The following TLCD2 variants were observed in gnomAD, a reference collection of about 807,000 sequenced individuals.
The protein encoded by TLCD2 is TLC domain-containing protein 2.
Under a neutral mutation model 14.0 loss-of-function variants are expected in TLCD2, and 12 were observed. The observed-to-expected ratio is 0.86, with a 90% CI of 0.55 to 1.39. The LOEUF (loss-of-function observed/expected upper bound fraction) is 1.39, where lower values mean the gene tolerates loss of function less well. Among genes scored for constraint, TLCD2 ranks in the 40% most tolerant of loss-of-function variants. The pLI is 0.00. For missense variants in TLCD2, 360 were observed against 346.8 expected (o/e 1.04, Z -0.30); for synonymous variants, 166 against 156.5 (o/e 1.06, Z -0.45).
chr17:1,704,589 G>A lies in TLCD2; in HGVS notation c.*3181C>T, dbSNP rs1422076095. 1.3e-5 allele frequency: 2 copies of A among 151,582 alleles called. No homozygotes were observed. The highest frequency in any genetic ancestry group is 4.9e-5 in the African/African-American group (2 of 41,200). The allele number at this position is 151,582 out of a possible 1,614,324, so 9.4% of individuals were successfully genotyped here. A position where few individuals can be genotyped will look rare whatever the true frequency, so the allele number is the denominator to read the frequency against. On this transcript the variant is annotated 3_prime_UTR_variant, in exon 4 of 4. Transcript: ENST00000330676. ...CGATGTATTTTCATCCTTTGCGCCT[G>A]TTTTTATGACTCTATGATGGAGACT...
rs549108577 is a variant in TLCD2, at chr17:1,707,708, G to T, written c.*62C>A. 3.6e-5 allele frequency: 49 copies of T among 1,345,726 alleles called. No individual in the cohort carries two copies. The African/African-American group carries it at 6.8e-4, about 19-fold the overall frequency. The allele number at this position is 1,345,726 out of a possible 1,614,324, so 83.4% of individuals were successfully genotyped here. ...CTCACCCTGATGGGGGACTGTGCATGGAAGACCCTCATCTCCTTGTCCTGG... is the reference window on the plus strand; with the variant it reads ...CTCACCCTGATGGGGGACTGTGCATTGAAGACCCTCATCTCCTTGTCCTGG... On this transcript the variant is annotated 3_prime_UTR_variant, in exon 4 of 4. Coordinates refer to ENST00000330676, the MANE Select transcript of TLCD2 (RefSeq NM_001164407.2).
rs1567703197 is a variant in TLCD2 at position 1,703,055 on chromosome 17, C to G, written c.*4715G>C. ...CAAATGGAGCATCTGGCAATCTCTG[C>G]TTTTTTTTTTTTTAACCTCTGCATT... On this transcript the variant is annotated 3_prime_UTR_variant, in exon 4 of 4. Transcript: ENST00000330676. The G allele has an allele frequency of 1.4e-5, 2 of 144,830 alleles. No individual in the cohort carries two copies. The allele number at this position is 144,830 out of a possible 1,614,324, so 9.0% of individuals were successfully genotyped here. A position where few individuals can be genotyped will look rare whatever the true frequency, so the allele number is the denominator to read the frequency against.
At chr17:1,708,479 CTTTTTTTTTTTTT>C (rs70956738) in intron 3 of TLCD2, among the ~76,000 whole-genome samples, 2 of 47,844 alleles carry the variant, frequency 4.2e-5, no homozygotes, top group Non-Finnish European at 8.6e-5. Context: ...GGCTTGCTTG[CTTTTTTTTTTTTT>C]TTTTTTTTTT....
rs1913955248 is a variant in TLCD2, at chr17:1,704,075, A to G, written c.*3695T>C. 1 of 151,858 alleles carries G rather than the reference A, an allele frequency of 6.6e-6. No individual in the cohort carries two copies. Among genetic ancestry groups the G allele is most frequent in the Non-Finnish European group, 1.5e-5 (1 of 67,982 alleles). The allele number at this position is 151,858 out of a possible 1,614,324, so 9.4% of individuals were successfully genotyped here. A position where few individuals can be genotyped will look rare whatever the true frequency, so the allele number is the denominator to read the frequency against. ...TCCTGTCTCTACTAAAAACACAAAAATTAGCCGAGTGTGGTGGTGGGTACC... is the reference window on the plus strand; with the variant it reads ...TCCTGTCTCTACTAAAAACACAAAAGTTAGCCGAGTGTGGTGGTGGGTACC... On this transcript the variant is annotated 3_prime_UTR_variant, in exon 4 of 4. Transcript: ENST00000330676.
chr17:1,708,004 CCA>C lies in TLCD2; in HGVS notation c.559_560del (p.Trp187AlafsTer38). The C allele has an allele frequency of 1.3e-6, 2 of 1,537,298 alleles. No homozygotes were observed. Among genetic ancestry groups the C allele is most frequent in the Non-Finnish European group, 1.7e-6 (2 of 1,146,926 alleles). On this transcript the variant is annotated frameshift_variant, in exon 4 of 4. Coordinates refer to ENST00000330676, the MANE Select transcript of TLCD2 (RefSeq NM_001164407.2). LOFTEE classifies it low-confidence loss of function (END_TRUNC). ...RLVPLGWMSLWLFRQHHQVPL... is the reference protein window; with the variant it reads ...RLVPLGWMSLXLFRQHHQVPL... ...GAACCTGGTGGTGCTGCCGGAACAG[CCA>C]CAGACTCATCCACCCCAGCGGGACC...
At position 1,707,802 on chromosome 17, in the gene TLCD2, T is replaced by C. The variant is rs1273407490; in HGVS notation, c.763A>G (p.Ser255Gly). Reference sequence around the variant, plus strand: ...TTCAGGCTGAGAGTCGAACTGTTGCTGGTGACAGGTCCATTGTCACGACGT... The same window carrying C: ...TTCAGGCTGAGAGTCGAACTGTTGCCGGTGACAGGTCCATTGTCACGACGT... ...RTRRDNGPVTSNSSTLSLKD is the reference protein window; with the variant it reads ...RTRRDNGPVTGNSSTLSLKD Residue 255 changes from serine to glycine, a missense_variant, in exon 4 of 4, where the codon AGC becomes GGC. Coordinates refer to ENST00000330676, the MANE Select transcript of TLCD2 (RefSeq NM_001164407.2). 3 of 1,511,378 alleles carry C rather than the reference T, an allele frequency of 2.0e-6. No homozygotes were observed. In the African/African-American group the frequency reaches 4.1e-5, roughly 21 times the overall value. 93.6% of individuals were successfully genotyped at this position (1,511,378 alleles called of 1,614,324 possible). A position where few individuals can be genotyped will look rare whatever the true frequency, so the allele number is the denominator to read the frequency against.
Position 1,710,376 on chromosome 17 carries a change from G to T in TLCD2, c.-134C>A. ...CCTCCCCGCCGCGCCTTTGGGATCA[G>T]CAGGAACTTTTCCCCGTTCGTCCAC... On this transcript the variant is annotated 5_prime_UTR_variant, in exon 1 of 4. It adds an upstream start codon to the 5' untranslated region. Transcript: ENST00000330676. The surrounding 1 kb of genome is among the most constrained non-coding windows in gnomAD (Gnocchi z 6.1). The T allele has an allele frequency of 1.3e-6, 1 of 776,114 alleles. No individual in the cohort carries two copies. Among genetic ancestry groups the T allele is most frequent in the Non-Finnish European group, 1.9e-6 (1 of 523,444 alleles). 48.1% of individuals were successfully genotyped at this position (776,114 alleles called of 1,614,324 possible).
rs35619133 is a variant in TLCD2, at chr17:1,706,963, C to T, written c.*807G>A. ...GGTGGATTACTTGAGGTCAGGAGTT[C>T]GAGACCAGCCTGGGCAACATGGTGA... On this transcript the variant is annotated 3_prime_UTR_variant, in exon 4 of 4. Transcript: ENST00000330676. 0.21 allele frequency: 31,202 copies of T among 149,338 alleles called. 3,572 individuals carry two copies. The highest frequency in any genetic ancestry group is 0.26 in the Non-Finnish European group (17,791 of 67,260). The allele number at this position is 149,338 out of a possible 1,614,324, so 9.3% of individuals were successfully genotyped here.
Position 1,706,043 on chromosome 17 carries a change from C to CGGCTCACT in TLCD2, c.*1719_*1726dup, listed in dbSNP as rs1914023178. Reference sequence around the variant, plus strand: ...AGGCTGGAGTGCAGTGGCACGACCTCGGCTCACTGCAACCTCTGCCTCCTG... The same window carrying CGGCTCACT: ...AGGCTGGAGTGCAGTGGCACGACCTCGGCTCACTGGCTCACTGCAACCTCTGCCTCCTG... On this transcript the variant is annotated 3_prime_UTR_variant, in exon 4 of 4. Coordinates refer to ENST00000330676, the MANE Select transcript of TLCD2 (RefSeq NM_001164407.2). The CGGCTCACT allele has an allele frequency of 6.6e-6, 1 of 151,732 alleles. No homozygotes were observed. Among genetic ancestry groups the CGGCTCACT allele is most frequent in the Non-Finnish European group, 1.5e-5 (1 of 68,002 alleles). 9.4% of individuals were successfully genotyped at this position (151,732 alleles called of 1,614,324 possible). A position where few individuals can be genotyped will look rare whatever the true frequency, so the allele number is the denominator to read the frequency against.
intron 1 of TLCD2, 75 bp from the exon 2 acceptor site, chr17:1,709,961 G>T (rs1047337454): frequency 6.7e-5 from 101 of 1,506,926 alleles, no homozygotes; most frequent in Admixed American, 9.9e-5. Context: ...CTCCCTGTGC[G>T]CACCCCCACC....
In TLCD2 at chr17:1,710,034, C is replaced by T. The variant is rs1914172983; in HGVS notation, c.176+33G>A. The T allele has an allele frequency of 7.8e-6, 12 of 1,529,994 alleles. No individual in the cohort carries two copies. Among genetic ancestry groups the T allele is most frequent in the Non-Finnish European group, 1.0e-5 (12 of 1,144,682 alleles). The allele number at this position is 1,529,994 out of a possible 1,614,324, so 94.8% of individuals were successfully genotyped here. On this transcript the variant is annotated intron_variant, in intron 1 of 3. Coordinates refer to ENST00000330676, the MANE Select transcript of TLCD2 (RefSeq NM_001164407.2). The surrounding 1 kb of genome is among the most constrained non-coding windows in gnomAD (Gnocchi z 6.1). ...GCCTCAGCCTCCCACCCCTCGCCCT[C>T]GCCCCGTGCGCCTCGAGCCCCCAAG... is the stretch of plus-strand genomic sequence containing the variant.
rs997963785 is a variant in TLCD2 at position 1,707,992 on chromosome 17, C to A, written c.573G>T (p.Gln191His). The stretch of plus-strand genomic sequence containing the variant: ...CCAGAGCAAGAGGAACCTGGTGGTG[C>A]TGCCGGAACAGCCACAGACTCATCC... ...LGWMSLWLFR[Q>H]HHQVPLALVT... Residue 191 changes from glutamine to histidine, a missense_variant, in exon 4 of 4, where the codon CAG becomes CAT. Physicochemically the swap from Gln to His is conservative, Grantham distance 24. Coordinates refer to ENST00000330676, the MANE Select transcript of TLCD2 (RefSeq NM_001164407.2). The A allele has an allele frequency of 2.5e-5, 39 of 1,537,124 alleles. No individual in the cohort carries two copies. Among genetic ancestry groups the A allele is most frequent in the African/African-American group, 4.1e-5 (3 of 73,036 alleles).
chr17:1,709,939 C>G, intron 1 of TLCD2, 53 bp from the exon 2 acceptor site: 1 of 1,516,018 alleles, frequency 6.6e-7, no homozygotes, highest in Non-Finnish European at 8.8e-7. Context: ...CTCTCGAGGC[C>G]CCGGCCGCAG....
At position 1,705,669 on chromosome 17, in the gene TLCD2, C is replaced by T. The variant is rs1392775003; in HGVS notation, c.*2101G>A. On this transcript the variant is annotated 3_prime_UTR_variant, in exon 4 of 4. Transcript: ENST00000330676. ...TATCACTCAATCTATGTATGTCTGT[C>T]TCTGTCATTCTTCGTATCTTTCTGT... 1.3e-5 allele frequency: 2 copies of T among 152,328 alleles called. No individual in the cohort carries two copies. Among genetic ancestry groups the T allele is most frequent in the East Asian group, 3.9e-4 (2 of 5,188 alleles). 9.4% of individuals were successfully genotyped at this position (152,328 alleles called of 1,614,324 possible). A position where few individuals can be genotyped will look rare whatever the true frequency, so the allele number is the denominator to read the frequency against.
rs1481633826 is a variant in TLCD2, at chr17:1,707,249, G to A, written c.*521C>T. On this transcript the variant is annotated 3_prime_UTR_variant, in exon 4 of 4. Coordinates refer to ENST00000330676, the MANE Select transcript of TLCD2 (RefSeq NM_001164407.2). ...ATCAGCAGCAATTGCTGTGGCCCAG[G>A]TTCTGTCTCTTGGCAACTATCACGT... 1 of 154,440 alleles carries A rather than the reference G, an allele frequency of 6.5e-6. No homozygotes were observed. Among genetic ancestry groups the A allele is most frequent in the Non-Finnish European group, 1.4e-5 (1 of 69,676 alleles). The allele number at this position is 154,440 out of a possible 1,614,324, so 9.6% of individuals were successfully genotyped here.
intron 3 of TLCD2, among the ~76,000 whole-genome samples, chr17:1,708,441 C>CTAAT (rs1303165671): frequency 6.6e-6 from 1 of 151,424 alleles, no homozygotes; most frequent in Non-Finnish European, 1.5e-5. Flanking sequence ...GTCTCACCCC[C>CTAAT]TAATACCCCC....
At chr17:1,709,389 CAAAAAAAAAAAAA>C (rs781399159) in intron 3 of TLCD2, 97 bp downstream of exon 3, 9 of 298,796 alleles carry the variant, frequency 3.0e-5, no homozygotes, top group Middle Eastern at 7.5e-4. Flanking sequence ...GACTCCGTCT[CAAAAAAAAAAAAA>C]AAAAAAAAAA....
At position 1,710,173 on chromosome 17, in the gene TLCD2, G is replaced by A. The variant is rs1182231526; in HGVS notation, c.70C>T (p.Arg24Trp). ...GCCGATTCCGGCGTGGGCAGCCGCC[G>A]CAACCCCCAGTGCAGCCCCCGGAAC... Reference protein sequence around the residue: ...LAFRGLHWGLRRLPTPESAAR... With the variant: ...LAFRGLHWGLWRLPTPESAAR... Residue 24 changes from arginine to tryptophan, a missense_variant, in exon 1 of 4, where the codon CGG becomes TGG. Transcript: ENST00000330676. This position sits in a 1 kb window ranked among gnomAD's most constrained non-coding sequence, Gnocchi z 6.1. 3 of 1,532,872 alleles carry A rather than the reference G, an allele frequency of 2.0e-6. No individual in the cohort carries two copies. The highest frequency in any genetic ancestry group is 2.7e-5 in the African/African-American group (2 of 72,836). 95.0% of individuals were successfully genotyped at this position (1,532,872 alleles called of 1,614,324 possible).
Position 1,708,027 on chromosome 17 carries a change from G to T in TLCD2, c.538C>A (p.Pro180Thr). Residue 180 changes from proline to threonine, a missense_variant, in exon 4 of 4, where the codon CCG becomes ACG. Coordinates refer to ENST00000330676, the MANE Select transcript of TLCD2 (RefSeq NM_001164407.2). ...LATLALFRLV[P>T]LGWMSLWLFR... ...AGCCACAGACTCATCCACCCCAGCG[G>T]GACCAGGCGGAAGAGGGCCAAGGTG... 1 of 1,537,274 alleles carries T rather than the reference G, an allele frequency of 6.5e-7. No individual in the cohort carries two copies. The highest frequency in any genetic ancestry group is 8.7e-7 in the Non-Finnish European group (1 of 1,146,922).
Sources: gnomAD v4.1 joint callset for allele counts (sites outside exome capture counted in the v4.1 genomes callset) on GRCh38, gnomAD v4.1.1 for gene constraint, Gnocchi (gnomAD v3.1) non-coding constraint, MANE v1.5 for transcripts, NCBI Gene and HGNC (gene_info 2026-07-23, HGNC 2026-07-21) for gene names.